Variants in PPHLN1 observed in about 807,000 individuals in gnomAD.
PPHLN1 encodes the protein periphilin 1.
Under a neutral mutation model 51.3 loss-of-function variants are expected in PPHLN1, and 29 were observed. That is an observed-to-expected ratio of 0.57 (90% CI 0.42 to 0.77). The LOEUF (loss-of-function observed/expected upper bound fraction) is 0.77, where lower values mean the gene tolerates loss of function less well. PPHLN1 is among the 30% of genes least tolerant of loss of function. PPHLN1 has a pLI of 0.00. For missense variants in PPHLN1, 436 were observed against 438.4 expected (o/e 0.99, Z 0.05); for synonymous variants, 147 against 147.8 (o/e 0.99, Z 0.04).
chr12:42,428,150 C>T (rs926532152), intron 9 of PPHLN1, among the ~76,000 whole-genome samples: 1 of 152,198 alleles, frequency 6.6e-6, no homozygotes, highest in African/African-American at 2.4e-5. Flanking sequence ...AACACTTCTA[C>T]ACTGCAGGTG....
At chr12:42,400,296 G>A (rs374562249) in intron 9 of PPHLN1, 9 of 151,176 alleles carry the variant, frequency 6.0e-5, no homozygotes, top group Non-Finnish European at 7.4e-5. Flanking sequence ...GTGAAACCCC[G>A]TCTCTACTAA....
chr12:42,375,314 G>GTTT, intron 5 of PPHLN1: 10 of 181,618 alleles, frequency 5.5e-5, no homozygotes, highest in East Asian at 2.1e-4. Flanking sequence ...GCATGTAAAA[G>GTTT]GTTTTTTTTT....
chr12:42,373,834 A>G (rs1185212392), intron 4 of PPHLN1, among the ~76,000 whole-genome samples: 1 of 152,236 alleles, frequency 6.6e-6, no homozygotes, highest in Non-Finnish European at 1.5e-5. Context: ...AGTTATTTAG[A>G]GATGGGCAAC....
intron 4 of PPHLN1, among the ~76,000 whole-genome samples, chr12:42,371,409 C>T (rs1158147526): frequency 6.6e-6 from 1 of 152,170 alleles, no homozygotes; most frequent in Non-Finnish European, 1.5e-5. Flanking sequence ...TGAGCCACTG[C>T]ACCCGGCCAA....
intron 2 of PPHLN1, chr12:42,350,172 G>A (rs1440437306): frequency 1.3e-5 from 2 of 151,202 alleles, no homozygotes; most frequent in African/African-American, 2.4e-5. Context: ...CTCCCAGACC[G>A]GGCGGCTGGG....
chr12:42,364,827 A>G lies in PPHLN1; in HGVS notation c.299+9605A>G, dbSNP rs2075095518. 3.3e-5 allele frequency among the ~76,000 whole-genome samples: 5 copies of G among 152,172 alleles called. No individual in the cohort carries two copies. The South Asian group carries it at 1.0e-3, about 32-fold the overall frequency. Reference sequence around the variant, plus strand: ...TCCCAGCTGCTCGGAAGGCTGAGGCACGAGAATCACTTGGACCTGGGAGGC... The same window carrying G: ...TCCCAGCTGCTCGGAAGGCTGAGGCGCGAGAATCACTTGGACCTGGGAGGC... On this transcript the variant is annotated intron_variant, in intron 4 of 9. Transcript: ENST00000358314.
In PPHLN1 at chr12:42,441,805, C is replaced by G. The variant is rs1375180752; in HGVS notation, c.*296C>G. 1 of 1,102,006 alleles carries G rather than the reference C, an allele frequency of 9.1e-7. No homozygotes were observed. The allele number at this position is 1,102,006 out of a possible 1,614,324, so 68.3% of individuals were successfully genotyped here. The stretch of plus-strand genomic sequence containing the variant: ...AAAGTGTTGAGATTACAGGCGTGAG[C>G]CACCGCTCCCTGCCCAACACATATA... On this transcript the variant is annotated 3_prime_UTR_variant, in exon 10 of 10. Transcript: ENST00000358314.
chr12:42,412,271 A>G (rs1235700607), intron 9 of PPHLN1, among the ~76,000 whole-genome samples: 2 of 145,914 alleles, frequency 1.4e-5, no homozygotes, highest in African/African-American at 5.3e-5. Context: ...GTGAGTCTCC[A>G]TAGTCCATTA....
chr12:42,338,027 A>G (rs1464938533), intron 2 of PPHLN1, among the ~76,000 whole-genome samples: 1 of 150,402 alleles, frequency 6.6e-6, no homozygotes, highest in Non-Finnish European at 1.5e-5. Context: ...CAAGTGATCC[A>G]CCCCCCTCAG....
At chr12:42,328,133 T>C (rs1316536667) in intron 1 of PPHLN1, among the ~76,000 whole-genome samples, 3 of 152,166 alleles carry the variant, frequency 2.0e-5, no homozygotes, top group African/African-American at 7.2e-5. Context: ...TTGTGGAGAA[T>C]AATAGGTTTT....
At chr12:42,387,300 G>T in intron 6 of PPHLN1, 156 bp from the exon 7 acceptor site, 1 of 721,392 alleles carries the variant, frequency 1.4e-6, no homozygotes, top group Non-Finnish European at 2.1e-6. Context: ...CCTCTGAGAG[G>T]TAGTTTTAGA....
At chr12:42,444,988 T>C, downstream of PPHLN1, 4 of 693,626 alleles carry the variant, frequency 5.8e-6, no homozygotes, top group Non-Finnish European at 7.9e-6. Flanking sequence ...CTAGAAACTT[T>C]TTCTGTTCAG....
chr12:42,433,373 A>G, intron 9 of PPHLN1: 2 of 454,654 alleles, frequency 4.4e-6, no homozygotes, highest in Non-Finnish European at 8.3e-6. Flanking sequence ...CTTAAGGGAG[A>G]ATGCAGTGGT....
chr12:42,333,020 G>A (rs1293197284), intron 1 of PPHLN1, among the ~76,000 whole-genome samples: 2 of 152,154 alleles, frequency 1.3e-5, no homozygotes, highest in Non-Finnish European at 2.9e-5. Context: ...CCTCTGCCCA[G>A]CTACCTAGTT....
At chr12:42,357,750 A>T (rs938978238) in intron 4 of PPHLN1, among the ~76,000 whole-genome samples, 2 of 152,168 alleles carry the variant, frequency 1.3e-5, no homozygotes, top group African/African-American at 4.8e-5. Context: ...TTATTTGTAT[A>T]AATTTGATGG....
chr12:42,336,038 A>G (rs2070605223), intron 2 of PPHLN1, 64 bp downstream of exon 2: 2 of 1,045,352 alleles, frequency 1.9e-6, no homozygotes, highest in South Asian at 4.4e-5. Context: ...TGATACACCA[A>G]AGCTAGGCCT....
intron 2 of PPHLN1, among the ~76,000 whole-genome samples, chr12:42,336,643 T>C (rs1033210772): frequency 1.3e-5 from 2 of 152,216 alleles, no homozygotes; most frequent in Non-Finnish European, 2.9e-5. Context: ...CAGTGCTACA[T>C]CTAGTACTTA....
At chr12:42,434,543 C>T (rs2082313927) in intron 9 of PPHLN1, among the ~76,000 whole-genome samples, 1 of 152,070 alleles carries the variant, frequency 6.6e-6, no homozygotes, top group East Asian at 1.9e-4. Context: ...GGGGGTTAGT[C>T]TTGTGGGACT....
chr12:42,345,947 G>T (rs746296673), intron 2 of PPHLN1, among the ~76,000 whole-genome samples: 14 of 150,066 alleles, frequency 9.3e-5, no homozygotes, highest in Non-Finnish European at 1.6e-4. Flanking sequence ...ATTTTATTGT[G>T]TATATTTGAG....
Sources: gnomAD v4.1 joint callset for allele counts (sites outside exome capture counted in the v4.1 genomes callset) on GRCh38, gnomAD v4.1.1 for gene constraint, MANE v1.5 for transcripts, NCBI Gene and HGNC (gene_info 2026-07-23, HGNC 2026-07-21) for gene names.